Variants in PTPRG observed in about 807,000 individuals in gnomAD.
PTPRG encodes receptor-type tyrosine-protein phosphatase gamma.
PTPRG carries 102 observed loss-of-function variants against 165.3 expected under a neutral mutation model. The ratio of observed to expected loss-of-function variants is 0.62; its 90% CI spans 0.53 to 0.73. The LOEUF (loss-of-function observed/expected upper bound fraction) is 0.73, where lower values mean the gene tolerates loss of function less well. Ranked by LOEUF, PTPRG falls within the 30% of genes least tolerant of loss-of-function variation. PTPRG has a pLI of 0.00. For missense variants in PTPRG, 1,866 were observed against 1,861.4 expected (o/e 1.00, Z -0.05); for synonymous variants, 675 against 669.5 (o/e 1.01, Z -0.13).
At chr3:61,831,749 G>T (rs1242270739) in intron 2 of PTPRG, among the ~76,000 whole-genome samples, 2 of 152,126 alleles carry the variant, frequency 1.3e-5, no homozygotes, top group Non-Finnish European at 2.9e-5. Flanking sequence ...TGAGTTTTCT[G>T]TCTTATGGGT....
chr3:62,183,947 C>T (rs1200785948), intron 8 of PTPRG, among the ~76,000 whole-genome samples: 2 of 152,186 alleles, frequency 1.3e-5, no homozygotes, highest in East Asian at 1.9e-4. Context: ...AAAACAGTTA[C>T]GGGACGTGTA....
chr3:62,191,488 C>A lies in PTPRG; in HGVS notation c.1053C>A (p.Ile351=), dbSNP rs1444433906. ...EASKVCSSPP[I]HMKVQPLNQT... is the part of the protein sequence containing the mutation. ...CTTCAGTTTGCAGCTCTCCACCCAT[C>A]CACATGAAGGTGCAGCCTCTGAACC... Residue 351 remains isoleucine, a synonymous_variant, in exon 9 of 30, where the codon ATC becomes ATA. Transcript: ENST00000474889. 2 of 1,613,886 alleles carry A rather than the reference C, an allele frequency of 1.2e-6. No homozygotes were observed. Among genetic ancestry groups the A allele is most frequent in the South Asian group, 2.2e-5 (2 of 91,048 alleles).
At chr3:62,055,387 G>A (rs1306491458) in intron 4 of PTPRG, among the ~76,000 whole-genome samples, 1 of 152,310 alleles carries the variant, frequency 6.6e-6, no homozygotes, top group Middle Eastern at 3.4e-3. Context: ...AACAGCTACT[G>A]TTTGTTGAGC....
chr3:61,868,108 A>C (rs1338059340), intron 2 of PTPRG, among the ~76,000 whole-genome samples: 1 of 152,202 alleles, frequency 6.6e-6, no homozygotes. Flanking sequence ...CACATGAAGA[A>C]GTGCAGAGGA....
intron 2 of PTPRG, among the ~76,000 whole-genome samples, chr3:61,890,335 C>G (rs1027543373): frequency 6.6e-6 from 1 of 151,276 alleles, no homozygotes; most frequent in East Asian, 1.9e-4. Flanking sequence ...GTTTGATTAA[C>G]CAAGCGCAGC....
chr3:61,738,204 G>A (rs1466801953), intron 1 of PTPRG, among the ~76,000 whole-genome samples: 2 of 147,156 alleles, frequency 1.4e-5, no homozygotes, highest in Non-Finnish European at 3.0e-5. Context: ...GGCCTATGCT[G>A]AGGTTTTAAA....
rs372680839 is a variant in PTPRG at position 62,287,684 on chromosome 3, A to C, written c.4056-4737A>C. On this transcript the variant is annotated intron_variant, in intron 28 of 29. Transcript: ENST00000474889. ...AGGTTTTCTAAAAACAGAATAAAGT[A>C]TTCAGTTCTTAAACTGAGCGACCAG... Among the ~76,000 whole-genome samples the C allele has an allele frequency of 3.3e-5, 5 of 152,184 alleles. No homozygotes were observed. In the South Asian group the frequency reaches 1.0e-3, roughly 32 times the overall value.
intron 2 of PTPRG, among the ~76,000 whole-genome samples, chr3:61,975,057 T>C (rs540397739): frequency 6.1e-5 from 7 of 114,120 alleles, no homozygotes; most frequent in African/African-American, 1.5e-4. Context: ...AAATACCAAA[T>C]AGCATAACCT....
intron 1 of PTPRG, among the ~76,000 whole-genome samples, chr3:61,564,845 C>T (rs1266521373): frequency 2.0e-5 from 3 of 152,344 alleles, no homozygotes; most frequent in African/African-American, 7.2e-5. Context: ...GCAGACGCGC[C>T]TTGGCGCGAG....
intron 2 of PTPRG, among the ~76,000 whole-genome samples, chr3:61,937,108 A>T (rs2039500381): frequency 6.6e-6 from 1 of 152,224 alleles, no homozygotes. Context: ...CATTTAGATG[A>T]GATGTAGCAT....
At chr3:61,857,665 G>A (rs1209099) in intron 2 of PTPRG, among the ~76,000 whole-genome samples, 1 of 152,012 alleles carries the variant, frequency 6.6e-6, no homozygotes, top group Non-Finnish European at 1.5e-5. Flanking sequence ...GACCAACATG[G>A]GTTTAATTAC....
At chr3:62,178,628 C>A (rs1479655248) in intron 8 of PTPRG, among the ~76,000 whole-genome samples, 2 of 152,196 alleles carry the variant, frequency 1.3e-5, no homozygotes, top group East Asian at 3.9e-4. Context: ...GTCAGGCACT[C>A]GTGTCAGGAT....
At chr3:61,872,240 TTGGGCACCTGGAGTTC>T (rs2037605861) in intron 2 of PTPRG, among the ~76,000 whole-genome samples, 1 of 152,168 alleles carries the variant, frequency 6.6e-6, no homozygotes, top group Non-Finnish European at 1.5e-5. Flanking sequence ...AGGTGCAGCG[TTGGGCACCTGGAGTTC>T]TGGCAACTCA....
At chr3:61,662,907 T>C (rs1702705746) in intron 1 of PTPRG, among the ~76,000 whole-genome samples, 1 of 152,214 alleles carries the variant, frequency 6.6e-6, no homozygotes, top group South Asian at 2.1e-4. Flanking sequence ...GCAGAACAGA[T>C]GCAGAGTATA....
At chr3:61,868,927 G>T (rs371222200) in intron 2 of PTPRG, among the ~76,000 whole-genome samples, 7 of 151,316 alleles carry the variant, frequency 4.6e-5, no homozygotes, top group African/African-American at 1.7e-4. Flanking sequence ...GAAGATTTTG[G>T]TAGAATTGTA....
At chr3:61,756,244 A>G (rs1389493211) in intron 2 of PTPRG, among the ~76,000 whole-genome samples, 1 of 152,190 alleles carries the variant, frequency 6.6e-6, no homozygotes, top group African/African-American at 2.4e-5. Context: ...CTTTGTCTGT[A>G]ATTAGTCATT....
chr3:62,093,910 A>G (rs1254801273), intron 5 of PTPRG, among the ~76,000 whole-genome samples: 1 of 152,168 alleles, frequency 6.6e-6, no homozygotes, highest in African/African-American at 2.4e-5. Flanking sequence ...TAGTTTTGCT[A>G]CAAATTACTA....
At chr3:62,281,905 T>G (rs1403114860) in intron 27 of PTPRG, among the ~76,000 whole-genome samples, 196 bp downstream of exon 27, 1 of 152,036 alleles carries the variant, frequency 6.6e-6, no homozygotes, top group Non-Finnish European at 1.5e-5. Context: ...AATGTAACAG[T>G]TCCTCTGATT....
intron 1 of PTPRG, among the ~76,000 whole-genome samples, chr3:61,679,483 C>T (rs1703352553): frequency 6.6e-6 from 1 of 152,254 alleles, no homozygotes; most frequent in South Asian, 2.1e-4. Flanking sequence ...TAAGATATCT[C>T]ATTAGATTCC....
Sources: allele counts gnomAD v4.1 joint callset (sites outside exome capture counted in the v4.1 genomes callset), GRCh38; gene constraint gnomAD v4.1.1; transcripts MANE v1.5; gene names NCBI Gene and HGNC (gene_info 2026-07-23, HGNC 2026-07-21).